ZFYVE28: variants seen among roughly 807,000 people sequenced by gnomAD.
ZFYVE28 encodes zinc finger FYVE-type containing 28, also known as lateral signaling target protein 2 homolog.
ZFYVE28 carries 40 observed loss-of-function variants against 82.1 expected under a neutral mutation model. The ratio of observed to expected loss-of-function variants is 0.49; its 90% CI spans 0.38 to 0.63. ZFYVE28 has a LOEUF of 0.63. Among genes scored for constraint, ZFYVE28 ranks in the 30% least tolerant of loss-of-function variants. ZFYVE28 has a pLI of 0.00. For synonymous variants in ZFYVE28, 612 were observed against 546.1 expected (o/e 1.12, Z -1.68); for missense variants, 1,321 against 1,242.1 (o/e 1.06, Z -0.96).
chr4:2,361,362 T>C (rs1186775612), intron 1 of ZFYVE28, among the ~76,000 whole-genome samples: 3 of 152,256 alleles, frequency 2.0e-5, no homozygotes, highest in Admixed American at 1.3e-4. Context: ...TGGTCCCTAA[T>C]GTGAGCTGTG....
At chr4:2,413,171 C>G (rs1732696950) in intron 1 of ZFYVE28, among the ~76,000 whole-genome samples, 1 of 152,196 alleles carries the variant, frequency 6.6e-6, no homozygotes, top group Non-Finnish European at 1.5e-5. Context: ...CCACACTCCC[C>G]CAACCACAAA....
intron 7 of ZFYVE28, among the ~76,000 whole-genome samples, chr4:2,317,769 A>T (rs1437172441): frequency 6.6e-6 from 1 of 152,138 alleles, no homozygotes; most frequent in Non-Finnish European, 1.5e-5. Flanking sequence ...AATAGCTGGG[A>T]TTACAGGCGT....
intron 8 of ZFYVE28, among the ~76,000 whole-genome samples, chr4:2,297,039 C>T (rs1387314015): frequency 6.6e-6 from 1 of 152,212 alleles, no homozygotes; most frequent in Non-Finnish European, 1.5e-5. Context: ...GAGGCCCCAC[C>T]CAGGGAAGGG....
chr4:2,329,062 T>G, intron 6 of ZFYVE28: 3 of 693,848 alleles, frequency 4.3e-6, no homozygotes, highest in Non-Finnish European at 7.9e-6. Context: ...TCTTCCAATT[T>G]TGTTTTTGTT....
chr4:2,379,927 A>G (rs1266893190), intron 1 of ZFYVE28, among the ~76,000 whole-genome samples: 1 of 151,970 alleles, frequency 6.6e-6, no homozygotes, highest in Non-Finnish European at 1.5e-5. Flanking sequence ...ATCTGGGATT[A>G]CAGCCATGAG....
Position 2,304,328 on chromosome 4 carries a change from G to A in ZFYVE28, c.2012C>T (p.Pro671Leu). The change falls in exon 8 of 13, where the codon CCC becomes CTC. Residue 671 changes from proline (P) to leucine (L), a missense_variant. Pro to Leu is a moderately conservative substitution (Grantham distance 98). This residue lies in a region of ZFYVE28 where 978 missense variants were observed against 833.7 expected (regional missense o/e 1.17). Coordinates refer to ENST00000290974, the MANE Select transcript of ZFYVE28 (RefSeq NM_020972.3). ...PEARELHAGSPSAHEAPQALS... is the reference protein window; with the variant it reads ...PEARELHAGSLSAHEAPQALS... ...GGCCTGAGGCGCCTCGTGAGCCGAG[G>A]GGCTCCCAGCATGCAGCTCTCTGGC... is the stretch of plus-strand genomic sequence containing the variant. The A allele has an allele frequency of 1.2e-6, 2 of 1,602,926 alleles. No individual in the cohort carries two copies. The highest frequency in any genetic ancestry group is 8.5e-7 in the Non-Finnish European group (1 of 1,178,424).
At chr4:2,291,725 C>T (rs1713734745) in intron 8 of ZFYVE28, among the ~76,000 whole-genome samples, 1 of 152,208 alleles carries the variant, frequency 6.6e-6, no homozygotes, top group South Asian at 2.1e-4. Flanking sequence ...GAGCCCCCCT[C>T]GGAATGGCAG....
chr4:2,363,760 T>C lies in ZFYVE28; in HGVS notation c.40-9687A>G, dbSNP rs942823809. Reference sequence around the variant, plus strand: ...TTGGCTATGACGATCTTTGCTGTTCTCCACGAAGTAGGAGTCTTCTCTTGG... The same window carrying C: ...TTGGCTATGACGATCTTTGCTGTTCCCCACGAAGTAGGAGTCTTCTCTTGG... On this transcript the variant is annotated intron_variant, in intron 1 of 12. Transcript: ENST00000290974. 4.6e-5 allele frequency among the ~76,000 whole-genome samples: 7 copies of C among 152,328 alleles called. No homozygotes were observed. In the East Asian group the frequency reaches 7.7e-4, roughly 17 times the overall value.
intron 1 of ZFYVE28, among the ~76,000 whole-genome samples, chr4:2,359,238 C>T (rs1205489766): frequency 6.6e-6 from 1 of 151,848 alleles, no homozygotes; most frequent in African/African-American, 2.4e-5. Context: ...GACTTAGCCT[C>T]CCAAAGTTCT....
intron 1 of ZFYVE28, among the ~76,000 whole-genome samples, chr4:2,354,607 C>T (rs111282458): frequency 2.0e-5 from 3 of 151,970 alleles, no homozygotes; most frequent in Non-Finnish European, 2.9e-5. Flanking sequence ...TATAGGTGCC[C>T]GCTGTCATGC....
intron 1 of ZFYVE28, among the ~76,000 whole-genome samples, chr4:2,357,314 A>G (rs529844942): frequency 7.2e-5 from 11 of 152,204 alleles, no homozygotes; most frequent in African/African-American, 2.2e-4. Flanking sequence ...GGACCTGCCA[A>G]TGCCCCTCCT....
intron 4 of ZFYVE28, among the ~76,000 whole-genome samples, chr4:2,337,858 A>G (rs1037390054): frequency 5.5e-5 from 8 of 144,892 alleles, no homozygotes; most frequent in African/African-American, 2.1e-4. Flanking sequence ...GTGACAAAGC[A>G]AGACCTTTTC....
intron 7 of ZFYVE28, among the ~76,000 whole-genome samples, chr4:2,312,726 C>CAAAAA (rs1170479977): frequency 4.0e-4 from 26 of 64,906 alleles, no homozygotes; most frequent in African/African-American, 6.7e-4. Context: ...GACTCTGCCT[C>CAAAAA]AAAAAAAAAA....
intron 7 of ZFYVE28, chr4:2,306,973 G>A (rs527854276): frequency 6.6e-6 from 1 of 152,404 alleles, no homozygotes; most frequent in South Asian, 2.1e-4. Flanking sequence ...CACACATGGG[G>A]TGGGACTGCT....
intron 8 of ZFYVE28, among the ~76,000 whole-genome samples, chr4:2,278,126 A>G (rs1736641692): frequency 6.6e-6 from 1 of 152,198 alleles, no homozygotes; most frequent in South Asian, 2.1e-4. Context: ...ATGCAAAAGG[A>G]TGAAGCTGAA....
intron 2 of ZFYVE28, 85 bp downstream of exon 2, chr4:2,353,848 G>A: frequency 7.7e-7 from 1 of 1,298,416 alleles, no homozygotes; most frequent in Non-Finnish European, 9.9e-7. Flanking sequence ...GGGCCAGCAG[G>A]TGACAAAGCC....
At chr4:2,284,384 G>A (rs771432299) in intron 8 of ZFYVE28, among the ~76,000 whole-genome samples, 8 of 152,192 alleles carry the variant, frequency 5.3e-5, no homozygotes, top group South Asian at 2.1e-4. Context: ...ACCGTGGCTC[G>A]CCTGGGGCTT....
rs183485008 is a variant in ZFYVE28 at position 2,402,054 on chromosome 4, C to T, written c.39+16231G>A. ...TCAAGAGACACAGAGGAAGAAATCC[C>T]GGTCCTGCCGGCTGTGGAGGGACAG... is the stretch of plus-strand genomic sequence containing the variant. On this transcript the variant is annotated intron_variant, in intron 1 of 12. Coordinates refer to ENST00000290974, the MANE Select transcript of ZFYVE28 (RefSeq NM_020972.3). Among the ~76,000 whole-genome samples the T allele has an allele frequency of 4.3e-3, 657 of 152,328 alleles. 2 individuals carry two copies. The highest frequency in any genetic ancestry group is 6.7e-3 in the Non-Finnish European group (456 of 68,028).
chr4:2,385,153 G>A (rs572046481), intron 1 of ZFYVE28, among the ~76,000 whole-genome samples: 1 of 152,272 alleles, frequency 6.6e-6, no homozygotes, highest in Admixed American at 6.5e-5. Context: ...AACTGCAGAG[G>A]CTCTCTGGGA....
Sources: gnomAD v4.1 joint callset for allele counts (sites outside exome capture counted in the v4.1 genomes callset) on GRCh38, gnomAD v4.1.1 for gene constraint, gnomAD v4.1.1 regional missense constraint, MANE v1.5 for transcripts, NCBI Gene and HGNC (gene_info 2026-07-23, HGNC 2026-07-21) for gene names.